MRPS6: variants seen among roughly 807,000 people sequenced by gnomAD.
MRPS6 encodes the protein small ribosomal subunit protein bS6m.
A neutral mutation model predicts 13.1 loss-of-function variants in MRPS6; 6 were observed. The ratio of observed to expected loss-of-function variants is 0.46; its 90% confidence interval spans 0.25 to 0.91. The LOEUF is 0.91. MRPS6 is among the 40% of genes least tolerant of loss of function. The probability of loss-of-function intolerance (pLI) is 0.18; values close to 1 mark genes in which losing one functional copy is unlikely to be tolerated. For missense variants in MRPS6, 164 were observed against 155.6 expected (o/e 1.05, Z -0.29); for synonymous variants, 61 against 56.5 (o/e 1.08, Z -0.36).
At chr21:34,076,258 T>G (rs1989328119) in intron 1 of MRPS6, among the ~76,000 whole-genome samples, 1 of 152,222 alleles carries the variant, frequency 6.6e-6, no homozygotes, top group Non-Finnish European at 1.5e-5. Context: ...TGGAGAATAT[T>G]AACTCCTCCC....
intron 1 of MRPS6, among the ~76,000 whole-genome samples, chr21:34,079,199 A>C (rs1569412147): frequency 6.6e-6 from 1 of 152,336 alleles, no homozygotes; most frequent in East Asian, 1.9e-4. Context: ...GGGGAAAAAA[A>C]CAGCAATACT....
chr21:34,128,667 C>T (rs1980393234), intron 2 of MRPS6, among the ~76,000 whole-genome samples: 1 of 152,218 alleles, frequency 6.6e-6, no homozygotes, highest in African/African-American at 2.4e-5. Flanking sequence ...AACTTATTTT[C>T]CCAGTGGAAC....
At chr21:34,099,424 G>A in intron 1 of MRPS6, 3 of 999,862 alleles carry the variant, frequency 3.0e-6, no homozygotes, top group South Asian at 4.7e-5. Flanking sequence ...TCTTCCTTTG[G>A]GACAACCTTT....
At chr21:34,137,950 G>T (rs1980766432) in intron 2 of MRPS6, among the ~76,000 whole-genome samples, 1 of 151,916 alleles carries the variant, frequency 6.6e-6, no homozygotes, top group Admixed American at 6.5e-5. Context: ...GATAAAGCCT[G>T]CTTGGTCATG....
intron 1 of MRPS6, among the ~76,000 whole-genome samples, chr21:34,109,722 C>G (rs1350774629): frequency 6.6e-6 from 1 of 151,984 alleles, no homozygotes; most frequent in Non-Finnish European, 1.5e-5. Context: ...TTAGTTTTTC[C>G]CATTGTTGAT....
At chr21:34,106,225 A>G in intron 1 of MRPS6, 2 of 948,848 alleles carry the variant, frequency 2.1e-6, no homozygotes, top group Non-Finnish European at 2.6e-6. Flanking sequence ...AAATGTTAGC[A>G]ATTCTGTACC....
intron 1 of MRPS6, among the ~76,000 whole-genome samples, chr21:34,091,139 G>A (rs1279039760): frequency 6.6e-6 from 1 of 152,196 alleles, no homozygotes; most frequent in Non-Finnish European, 1.5e-5. Context: ...GCTTACCATT[G>A]ACAGAGTGCT....
At chr21:34,074,308 C>G (rs1989268813) in intron 1 of MRPS6, among the ~76,000 whole-genome samples, 1 of 152,178 alleles carries the variant, frequency 6.6e-6, no homozygotes, top group African/African-American at 2.4e-5. Context: ...GTATTCCAGT[C>G]TCTTGCAATC....
At chr21:34,101,163 T>C in intron 1 of MRPS6, 1 of 1,000,140 alleles carries the variant, frequency 1.0e-6, no homozygotes, top group East Asian at 1.1e-4. Flanking sequence ...AGTACCTGGG[T>C]GACACAGATA....
chr21:34,096,287 T>C lies in MRPS6; in HGVS notation c.45+22542T>C, dbSNP rs764972831. 37 of 1,614,036 alleles carry C rather than the reference T, an allele frequency of 2.3e-5. No homozygotes were observed. Among genetic ancestry groups the C allele is most frequent in the Non-Finnish European group, 3.1e-5 (36 of 1,180,016 alleles). On this transcript the variant is annotated intron_variant, in intron 1 of 2. Transcript: ENST00000399312. The surrounding 1 kb of genome is among the most constrained non-coding windows in gnomAD (Gnocchi z 5.9). ...TGATGAAGCTGGTTCCTGTGGGCCTTCGGGGTTTAATGATGGCAGTGATGA... is the reference window on the plus strand; with the variant it reads ...TGATGAAGCTGGTTCCTGTGGGCCTCCGGGGTTTAATGATGGCAGTGATGA...
chr21:34,095,724 G>A, intron 1 of MRPS6: 2 of 1,612,138 alleles, frequency 1.2e-6, no homozygotes, highest in Non-Finnish European at 1.7e-6. Flanking sequence ...GACTGTCACC[G>A]GAGGCCTTGT....
chr21:34,077,571 T>TTA (rs532995311), intron 1 of MRPS6, among the ~76,000 whole-genome samples: 332 of 151,914 alleles, frequency 2.2e-3, no homozygotes, highest in Non-Finnish European at 3.6e-3. Flanking sequence ...AAGATAGCAT[T>TTA]TATATATATA....
At chr21:34,116,178 T>TTTTG (rs776604104) in intron 1 of MRPS6, among the ~76,000 whole-genome samples, 4 of 141,284 alleles carry the variant, frequency 2.8e-5, no homozygotes, top group African/African-American at 1.1e-4. Context: ...CCAGCTAATT[T>TTTTG]TGTGTGTGTG....
chr21:34,121,862 T>TA (rs1980132119), intron 1 of MRPS6, among the ~76,000 whole-genome samples: 1 of 152,202 alleles, frequency 6.6e-6, no homozygotes, highest in Non-Finnish European at 1.5e-5. Context: ...CCTGGGTTGA[T>TA]AAAGACATTA....
intron 1 of MRPS6, among the ~76,000 whole-genome samples, chr21:34,079,501 TC>T (rs1989410369): frequency 6.6e-6 from 1 of 151,954 alleles, no homozygotes; most frequent in Non-Finnish European, 1.5e-5. Flanking sequence ...AGTGGCACGA[TC>T]TCGGCTCACT....
intron 1 of MRPS6, chr21:34,094,985 A>G (rs986604004): frequency 5.3e-6 from 3 of 565,940 alleles, no homozygotes; most frequent in Non-Finnish European, 9.0e-6. Flanking sequence ...CTCAATCCCA[A>G]TTAAGAAGCG....
chr21:34,100,133 G>A lies in MRPS6; in HGVS notation c.46-25208G>A, dbSNP rs1300765153. The A allele has an allele frequency of 4.0e-6, 4 of 998,864 alleles. No homozygotes were observed. The East Asian group carries it at 4.5e-4, about 113-fold the overall frequency. 61.9% of individuals were successfully genotyped at this position (998,864 alleles called of 1,614,324 possible). ...CAGAATTGAAGCTTGATATTGACTAGAATAGCTAAAAGTCAAAATGAGGTG... is the reference window on the plus strand; with the variant it reads ...CAGAATTGAAGCTTGATATTGACTAAAATAGCTAAAAGTCAAAATGAGGTG... On this transcript the variant is annotated intron_variant, in intron 1 of 2. Transcript: ENST00000399312.
At chr21:34,099,527 T>C (rs1979134612) in intron 1 of MRPS6, 1 of 999,462 alleles carries the variant, frequency 1.0e-6, no homozygotes, top group Non-Finnish European at 1.2e-6. Context: ...TACTGTGTAA[T>C]TCACTGATAA....
At chr21:34,106,745 C>G (rs1979492092) in intron 1 of MRPS6, among the ~76,000 whole-genome samples, 1 of 152,212 alleles carries the variant, frequency 6.6e-6, no homozygotes, top group African/African-American at 2.4e-5. Context: ...TCATAGTTAT[C>G]AAACTGGACA....
Sources: gnomAD v4.1 joint callset for allele counts (sites outside exome capture counted in the v4.1 genomes callset) on GRCh38, gnomAD v4.1.1 for gene constraint, Gnocchi (gnomAD v3.1) non-coding constraint, MANE v1.5 for transcripts, NCBI Gene and HGNC (gene_info 2026-07-23, HGNC 2026-07-21) for gene names.